The following PSORS1C1 variants were observed in gnomAD, a reference collection of about 807,000 sequenced individuals.
The protein encoded by PSORS1C1 is psoriasis susceptibility 1 candidate 1.
In PSORS1C1, 7 loss-of-function variants were observed where a neutral mutation model predicts 9.4. The observed-to-expected ratio is 0.75, with a 90% CI of 0.42 to 1.40. PSORS1C1 has a LOEUF of 1.40. Ranked by LOEUF, PSORS1C1 falls within the 40% of genes most tolerant of loss-of-function variation. PSORS1C1 has a pLI of 0.01. For synonymous variants in PSORS1C1, 63 were observed against 69.4 expected, an observed-to-expected ratio of 0.91 and a Z score of 0.46; for missense variants, 146 against 178.1, an observed-to-expected ratio of 0.82 and a Z score of 1.02.
intron 1 of PSORS1C1, chr6:31,117,419 T>A: frequency 6.4e-7 from 1 of 1,564,512 alleles, no homozygotes; most frequent in Non-Finnish European, 8.7e-7. Flanking sequence ...CTGTAGCTAC[T>A]GAAACCGCTG....
At chr6:31,137,084 G>C (rs1477490301) in intron 3 of PSORS1C1, among the ~76,000 whole-genome samples, 2 of 151,100 alleles carry the variant, frequency 1.3e-5, no homozygotes, top group South Asian at 2.1e-4. Context: ...GGAGGCGGAG[G>C]TTGCAGTGAG....
chr6:31,138,363 ACCCAGC>A (rs1383652498), intron 3 of PSORS1C1, 61 bp from the exon 4 acceptor site: 5 of 912,228 alleles, frequency 5.5e-6, no homozygotes, highest in African/African-American at 1.8e-5. Flanking sequence ...CCCCAGCCCC[ACCCAGC>A]CCCAGCCCCA....
intron 1 of PSORS1C1, chr6:31,117,349 C>A (rs1343247065): frequency 6.3e-7 from 1 of 1,578,504 alleles, no homozygotes; most frequent in Non-Finnish European, 8.6e-7. Flanking sequence ...GGAGCTACCA[C>A]TGGAGCCACC....
intron 1 of PSORS1C1, among the ~76,000 whole-genome samples, chr6:31,123,764 G>A (rs1373230586): frequency 6.6e-6 from 1 of 152,260 alleles, no homozygotes; most frequent in African/African-American, 2.4e-5. Flanking sequence ...GGCCCCCAGT[G>A]CACGCTCCTC....
At chr6:31,122,949 C>T (rs898979354) in intron 1 of PSORS1C1, among the ~76,000 whole-genome samples, 2 of 152,084 alleles carry the variant, frequency 1.3e-5, no homozygotes, top group Non-Finnish European at 2.9e-5. Context: ...CTGGGCCGTC[C>T]CAGGGTGTGA....
At position 31,115,733 on chromosome 6, in the gene PSORS1C1, GAATTGT is replaced by G; in HGVS notation, c.-229+845_-229+850del. 1 of 500,620 alleles carries G rather than the reference GAATTGT, an allele frequency of 2.0e-6. No individual in the cohort carries two copies. Among genetic ancestry groups the G allele is most frequent in the East Asian group, 3.1e-5 (1 of 32,380 alleles). The allele number at this position is 500,620 out of a possible 1,614,324, so 31.0% of individuals were successfully genotyped here. A position where few individuals can be genotyped will look rare whatever the true frequency, so the allele number is the denominator to read the frequency against. On this transcript the variant is annotated intron_variant, in intron 1 of 5. Transcript: ENST00000259881. This position sits in a 1 kb window ranked among gnomAD's most constrained non-coding sequence, Gnocchi z 4.2. Reference sequence around the variant, plus strand: ...ATGGACCATTTCCACACAGTAGAGGGAATTGTAAGGGGTGGTGATCTGGCTGAGGGG... The same window carrying G: ...ATGGACCATTTCCACACAGTAGAGGGAAGGGGTGGTGATCTGGCTGAGGGG...
chr6:31,138,630 A>C lies in PSORS1C1; in HGVS notation c.44-26A>C, dbSNP rs774612947. 31 of 1,612,692 alleles carry C rather than the reference A, an allele frequency of 1.9e-5. No individual in the cohort carries two copies. In the Middle Eastern group the frequency reaches 4.9e-4, roughly 26 times the overall value. Reference sequence around the variant, plus strand: ...TTGTCCTCAGGCCAACCTGCAACCCAAAGTGGGTTACACCTTGGCCCCCAG... The same window carrying C: ...TTGTCCTCAGGCCAACCTGCAACCCCAAGTGGGTTACACCTTGGCCCCCAG... On this transcript the variant is annotated intron_variant, in intron 4 of 5. Coordinates refer to ENST00000259881, the MANE Select transcript of PSORS1C1 (RefSeq NM_014068.3).
chr6:31,120,319 G>A (rs532946667), intron 1 of PSORS1C1: 3 of 1,558,486 alleles, frequency 1.9e-6, no homozygotes, highest in South Asian at 2.4e-5. Flanking sequence ...TGTTCCCAGG[G>A]CCCCCAGCCT....
chr6:31,117,342 G>A, intron 1 of PSORS1C1: 1 of 1,577,568 alleles, frequency 6.3e-7, no homozygotes, highest in Non-Finnish European at 8.6e-7. Flanking sequence ...ATCCGCTGGA[G>A]CTACCACTGG....
intron 3 of PSORS1C1, 181 bp from the exon 4 acceptor site, chr6:31,138,249 G>A (rs771484628): frequency 6.4e-7 from 1 of 1,567,522 alleles, no homozygotes; most frequent in South Asian, 1.2e-5. Context: ...TGGGGAGCCT[G>A]CCTCCTCTCG....
chr6:31,138,250 C>T, intron 3 of PSORS1C1, 180 bp from the exon 4 acceptor site: 1 of 1,567,706 alleles, frequency 6.4e-7, no homozygotes, highest in Non-Finnish European at 8.6e-7. Flanking sequence ...GGGGAGCCTG[C>T]CTCCTCTCGG....
chr6:31,133,749 C>G (rs1773020947), intron 3 of PSORS1C1: 1 of 152,174 alleles, frequency 6.6e-6, no homozygotes, highest in Non-Finnish European at 1.5e-5. Context: ...ATTTTAAGTT[C>G]TGAGTAGAAA....
intron 1 of PSORS1C1, among the ~76,000 whole-genome samples, chr6:31,119,152 T>G (rs998528508): frequency 1.3e-5 from 2 of 152,106 alleles, no homozygotes; most frequent in Non-Finnish European, 2.9e-5. Flanking sequence ...CCAGATGTTT[T>G]AGAAAGTGTA....
chr6:31,138,682 CCCCAGCTCCTTAACACAGAT>C lies in PSORS1C1; in HGVS notation c.80_99del (p.Leu27ArgfsTer9). 3.7e-6 allele frequency: 6 copies of C among 1,613,162 alleles called. No individual in the cohort carries two copies. Among genetic ancestry groups the C allele is most frequent in the Non-Finnish European group, 4.2e-6 (5 of 1,179,902 alleles). ...CACACAGACCCCAGCTTTACAAGGACCCCAGCTCCTTAACACAGATCCCAGCTCCGAGGAAACTCGTCCCC... is the reference window on the plus strand; with the variant it reads ...CACACAGACCCCAGCTTTACAAGGACCCCAGCTCCGAGGAAACTCGTCCCC... On this transcript the variant is annotated frameshift_variant, in exon 5 of 6. Coordinates refer to ENST00000259881, the MANE Select transcript of PSORS1C1 (RefSeq NM_014068.3). LOFTEE classifies it high-confidence loss of function.
rs3815091 is a variant in PSORS1C1 at position 31,125,593 on chromosome 6, C to A, written c.-228-83C>A. On this transcript the variant is annotated intron_variant, in intron 1 of 5. Coordinates refer to ENST00000259881, the MANE Select transcript of PSORS1C1 (RefSeq NM_014068.3). ...CCAGGTGCTCCTATGGGACTGGCTA[C>A]ACTTCTTGACTCAGTTTTAATCTCT... 9.4e-3 allele frequency: 1,437 copies of A among 152,416 alleles called. 40 individuals carry two copies. Among genetic ancestry groups the A allele is most frequent in the South Asian group, 0.078 (378 of 4,832 alleles). The allele number at this position is 152,416 out of a possible 1,614,324, so 9.4% of individuals were successfully genotyped here.
intron 1 of PSORS1C1, among the ~76,000 whole-genome samples, chr6:31,120,135 G>A (rs1455264320): frequency 6.6e-6 from 1 of 152,094 alleles, no homozygotes; most frequent in African/African-American, 2.4e-5. Context: ...CTAGAGTTAG[G>A]TGTCATTAAC....
chr6:31,126,806 C>T (rs1371087191), intron 2 of PSORS1C1, among the ~76,000 whole-genome samples: 1 of 152,138 alleles, frequency 6.6e-6, no homozygotes, highest in African/African-American at 2.4e-5. Flanking sequence ...TTCCCTTCAC[C>T]CCCACTTCCC....
At chr6:31,121,349 T>C (rs1327853595) in intron 1 of PSORS1C1, among the ~76,000 whole-genome samples, 1 of 152,150 alleles carries the variant, frequency 6.6e-6, no homozygotes, top group Non-Finnish European at 1.5e-5. Context: ...GGTGGCCCCA[T>C]AGCCCATCTG....
chr6:31,115,525 T>C lies in PSORS1C1; in HGVS notation c.-229+634T>C. 6.0e-6 allele frequency: 1 copy of C among 167,294 alleles called. No homozygotes were observed. The highest frequency in any genetic ancestry group is 1.3e-5 in the Non-Finnish European group (1 of 76,408). 10.4% of individuals were successfully genotyped at this position (167,294 alleles called of 1,614,324 possible). A position where few individuals can be genotyped will look rare whatever the true frequency, so the allele number is the denominator to read the frequency against. On this transcript the variant is annotated intron_variant, in intron 1 of 5. Transcript: ENST00000259881. This position sits in a 1 kb window ranked among gnomAD's most constrained non-coding sequence, Gnocchi z 4.2. ...TGGGAGCGAGAGCCCAGTGGCATATTGGGTGGGTTGACTAGATGTCGAAGA... is the reference window on the plus strand; with the variant it reads ...TGGGAGCGAGAGCCCAGTGGCATATCGGGTGGGTTGACTAGATGTCGAAGA...
Sources: gnomAD v4.1 joint callset for allele counts (sites outside exome capture counted in the v4.1 genomes callset) on GRCh38, gnomAD v4.1.1 for gene constraint, Gnocchi (gnomAD v3.1) non-coding constraint, MANE v1.5 for transcripts, NCBI Gene and HGNC (gene_info 2026-07-23, HGNC 2026-07-21) for gene names.